CEP55: variants seen among roughly 807,000 people sequenced by gnomAD.
CEP55 encodes the protein centrosomal protein 55, also known as centrosomal protein of 55 kDa.
A neutral mutation model predicts 63.2 loss-of-function variants in CEP55; 57 were observed. That is an observed-to-expected ratio of 0.90 (90% CI 0.73 to 1.13). CEP55 has a LOEUF of 1.13. CEP55 is among the 50% of genes most tolerant of loss of function. The pLI, the probability that CEP55 is intolerant of heterozygous loss-of-function variation, is 0.00. For synonymous variants in CEP55, 178 were observed against 191.6 expected (o/e 0.93, Z 0.59); for missense variants, 456 against 518.9 (o/e 0.88, Z 1.18).
chr10:93,504,472 C>CAA (rs113435584), intron 3 of CEP55, among the ~76,000 whole-genome samples: 19,255 of 145,930 alleles, frequency 0.13, 2,026 homozygotes, highest in East Asian at 0.55. Flanking sequence ...GCCTCTGTCT[C>CAA]AAAAAAAAAA....
chr10:93,528,046 A>G lies in CEP55; in HGVS notation c.1288A>G (p.Thr430Ala), dbSNP rs1334955716. 2 of 1,613,924 alleles carry G rather than the reference A, an allele frequency of 1.2e-6. No homozygotes were observed. The highest frequency in any genetic ancestry group is 1.7e-6 in the Non-Finnish European group (2 of 1,179,998). ...AGTTGCCGCCTCACCAAAAAGTCCC[A>G]CTGCTGCACTCAATGAAAGCCTGGT... ...EKVAASPKSP[T>A]AALNESLVEC... Residue 430 changes from threonine (T) to alanine (A), a missense_variant, in exon 9 of 9, where the codon ACT becomes GCT. Coordinates refer to ENST00000371485, the MANE Select transcript of CEP55 (RefSeq NM_018131.5).
intron 4 of CEP55, chr10:93,510,603 G>A (rs1403409551): frequency 6.6e-6 from 1 of 152,030 alleles, no homozygotes. Context: ...TCCCATCCAA[G>A]TACTAAACAG....
intron 1 of CEP55, among the ~76,000 whole-genome samples, chr10:93,499,809 C>T (rs1268608429): frequency 2.0e-5 from 3 of 151,920 alleles, no homozygotes; most frequent in Admixed American, 6.6e-5. Flanking sequence ...CGTGAGCCAC[C>T]GTACCCAGCC....
At position 93,500,325 on chromosome 10, in the gene CEP55, T is replaced by C. The variant is rs866760187; in HGVS notation, c.183+91T>C. The C allele has an allele frequency of 4.1e-5, 44 of 1,072,858 alleles. 1 individual carries two copies. In the Middle Eastern group the frequency reaches 1.0e-3, roughly 25 times the overall value. 66.5% of individuals were successfully genotyped at this position (1,072,858 alleles called of 1,614,324 possible). On this transcript the variant is annotated intron_variant, in intron 2 of 8. Coordinates refer to ENST00000371485, the MANE Select transcript of CEP55 (RefSeq NM_018131.5). ...ATGCTACCTTCTTACTCTTGCCGTG[T>C]TCCCTGTCTTGTCCAGTTGATTAGT...
intron 8 of CEP55, among the ~76,000 whole-genome samples, chr10:93,524,356 C>T (rs1453229088): frequency 6.6e-6 from 1 of 152,056 alleles, no homozygotes; most frequent in Non-Finnish European, 1.5e-5. Context: ...GGATAAATTC[C>T]TCGACACATA....
intron 8 of CEP55, among the ~76,000 whole-genome samples, chr10:93,521,192 C>T (rs976711130): frequency 6.6e-6 from 1 of 152,068 alleles, no homozygotes; most frequent in African/African-American, 2.4e-5. Flanking sequence ...ATTCCCTTTT[C>T]TAGCCAAGGA....
chr10:93,521,801 C>G (rs901630869), intron 8 of CEP55, among the ~76,000 whole-genome samples: 2 of 152,190 alleles, frequency 1.3e-5, no homozygotes, highest in African/African-American at 4.8e-5. Context: ...ATTCGCTGTT[C>G]TGCAGCCTCC....
chr10:93,512,210 G>A (rs117390272), intron 4 of CEP55, among the ~76,000 whole-genome samples: 9,191 of 112,722 alleles, frequency 0.082, 337 homozygotes, highest in African/African-American at 0.087. Flanking sequence ...CGGGGCCACA[G>A]AGCGAGACTC....
At chr10:93,500,255 T>TTTACCTCCAAG in intron 2 of CEP55, 21 bp downstream of exon 2, 2 of 1,580,328 alleles carry the variant, frequency 1.3e-6, no homozygotes, top group South Asian at 2.3e-5. Flanking sequence ...TTCTGATCCT[T>TTTACCTCCAAG]TAAATTGTAA....
chr10:93,523,797 G>C (rs1333067797), intron 8 of CEP55, among the ~76,000 whole-genome samples: 1 of 152,016 alleles, frequency 6.6e-6, no homozygotes, highest in Non-Finnish European at 1.5e-5. Flanking sequence ...ACTCAAAACC[G>C]CTCAACTACA....
chr10:93,505,070 C>T (rs777100455), intron 3 of CEP55, among the ~76,000 whole-genome samples: 8 of 152,152 alleles, frequency 5.3e-5, no homozygotes, highest in Non-Finnish European at 1.2e-4. Context: ...CCTCAGCCTC[C>T]CAAAGTGCTG....
At chr10:93,503,410 C>A (rs761607537) in intron 3 of CEP55, 22 bp downstream of exon 3, 2 of 1,583,802 alleles carry the variant, frequency 1.3e-6, no homozygotes, top group Non-Finnish European at 1.7e-6. Context: ...TTCTTTAAAC[C>A]CAGATTTTTT....
chr10:93,517,229 C>A lies in CEP55; in HGVS notation c.974C>A (p.Ser325Tyr). 4 of 1,599,774 alleles carry A rather than the reference C, an allele frequency of 2.5e-6. No individual in the cohort carries two copies. Among genetic ancestry groups the A allele is most frequent in the Non-Finnish European group, 2.6e-6 (3 of 1,173,402 alleles). ...RGKLEEEKKRSEELLSQVQFL... is the reference protein window; with the variant it reads ...RGKLEEEKKRYEELLSQVQFL... ...AAACTTGAAGAAGAGAAGAAGAGATCCGAAGAGCTCTTATCTCAGGTAAAC... is the reference window on the plus strand; with the variant it reads ...AAACTTGAAGAAGAGAAGAAGAGATACGAAGAGCTCTTATCTCAGGTAAAC... Residue 325 changes from serine to tyrosine, a missense_variant, in exon 6 of 9, where the codon TCC becomes TAC. Transcript: ENST00000371485.
At chr10:93,524,815 A>G (rs537839113) in intron 8 of CEP55, among the ~76,000 whole-genome samples, 6,558 of 152,314 alleles carry the variant, frequency 0.043, 399 homozygotes, top group African/African-American at 0.13. Context: ...AATCCAGCAT[A>G]TAAACAGAAC....
At chr10:93,521,241 C>T (rs1439233106) in intron 8 of CEP55, among the ~76,000 whole-genome samples, 1 of 152,140 alleles carries the variant, frequency 6.6e-6, no homozygotes, top group African/African-American at 2.4e-5. Flanking sequence ...CAGGTCATTC[C>T]CACCCTAATA....
chr10:93,500,074 A>G lies in CEP55; in HGVS notation c.23A>G (p.Asp8Gly). ...GAGATGTCTTCCAGAAGTACCAAAG[A>G]TTTAATTAAAAGTAAGTGGGGATCG... MSSRSTK[D>G]LIKSKWGSKP... Residue 8 changes from aspartate (D) to glycine (G), a missense_variant, in exon 2 of 9, where the codon GAT becomes GGT. By Grantham distance (94) the Asp-to-Gly change is moderately conservative (BLOSUM62 -1). Coordinates refer to ENST00000371485, the MANE Select transcript of CEP55 (RefSeq NM_018131.5). 4 of 1,608,674 alleles carry G rather than the reference A, an allele frequency of 2.5e-6. No individual in the cohort carries two copies. The highest frequency in any genetic ancestry group is 3.4e-6 in the Non-Finnish European group (4 of 1,178,350).
At chr10:93,499,958 C>A in intron 1 of CEP55, 82 bp from the exon 2 acceptor site, 1 of 879,782 alleles carries the variant, frequency 1.1e-6, no homozygotes, top group Non-Finnish European at 1.8e-6. Context: ...CTATTTAGAG[C>A]AGATAGGTTA....
chr10:93,519,646 A>G (rs1427653003), intron 7 of CEP55, 36 bp from the exon 8 acceptor site: 2 of 1,609,140 alleles, frequency 1.2e-6, no homozygotes, highest in Non-Finnish European at 1.7e-6. Flanking sequence ...GACAGTCTGT[A>G]TCAGCTGTAA....
At chr10:93,508,512 A>G (rs10786108) in intron 4 of CEP55, among the ~76,000 whole-genome samples, 81,053 of 151,818 alleles carry the variant, frequency 0.53, 23,477 homozygotes, top group Non-Finnish European at 0.65. Context: ...GAAAAGTTCT[A>G]TGTCTTATTA....
Sources: gnomAD v4.1 joint callset for allele counts (sites outside exome capture counted in the v4.1 genomes callset) on GRCh38, gnomAD v4.1.1 for gene constraint, MANE v1.5 for transcripts, NCBI Gene and HGNC (gene_info 2026-07-23, HGNC 2026-07-21) for gene names.